CNGA3: variants seen among roughly 807,000 people sequenced by gnomAD.
The protein encoded by CNGA3 is cyclic nucleotide-gated channel alpha-3.
A neutral mutation model predicts 46.6 loss-of-function variants in CNGA3; 42 were observed. The observed-to-expected ratio is 0.90, with a 90% confidence interval of 0.70 to 1.17. CNGA3 has a LOEUF of 1.17. CNGA3 is among the 50% of genes most tolerant of loss of function. The pLI is 0.00. For missense variants in CNGA3, 893 were observed against 890.7 expected, an observed-to-expected ratio of 1.00 and a Z score of -0.03; for synonymous variants, 394 against 369.4, an observed-to-expected ratio of 1.07 and a Z score of -0.76.
At chr2:98,383,541 A>G in intron 5 of CNGA3, 100 bp downstream of exon 5, 2 of 1,067,274 alleles carry the variant, frequency 1.9e-6, no homozygotes, top group Non-Finnish European at 2.9e-6. Flanking sequence ...CCTGCTCCCC[A>G]CTCCCAGAGC....
intron 2 of CNGA3, among the ~76,000 whole-genome samples, chr2:98,370,794 A>C (rs982762828): frequency 6.6e-6 from 1 of 152,200 alleles, no homozygotes; most frequent in Non-Finnish European, 1.5e-5. Context: ...TATTTACTGT[A>C]CATAGAGCTA....
At chr2:98,347,886 C>A (rs1214094373) in intron 1 of CNGA3, among the ~76,000 whole-genome samples, 1 of 152,226 alleles carries the variant, frequency 6.6e-6, no homozygotes, top group Non-Finnish European at 1.5e-5. Flanking sequence ...TCATGAAAAC[C>A]AGCAAGAATA....
intron 4 of CNGA3, among the ~76,000 whole-genome samples, chr2:98,382,161 C>T (rs1218955089): frequency 6.6e-6 from 1 of 152,128 alleles, no homozygotes; most frequent in South Asian, 2.1e-4. Context: ...TGCGATGGTG[C>T]GGATAGTGTT....
intron 4 of CNGA3, among the ~76,000 whole-genome samples, chr2:98,383,000 G>A (rs1289570201): frequency 6.6e-6 from 1 of 152,218 alleles, no homozygotes; most frequent in Non-Finnish European, 1.5e-5. Flanking sequence ...CAGAGGCATG[G>A]AAGCACTGAG....
intron 5 of CNGA3, among the ~76,000 whole-genome samples, chr2:98,387,202 C>T (rs975343917): frequency 1.5e-4 from 23 of 152,330 alleles, no homozygotes; most frequent in African/African-American, 5.5e-4. Flanking sequence ...GAGGATGAGC[C>T]TGCATGGTCG....
chr2:98,383,717 T>C (rs1692586614), intron 5 of CNGA3, among the ~76,000 whole-genome samples: 1 of 152,194 alleles, frequency 6.6e-6, no homozygotes. Flanking sequence ...AGATAAATGC[T>C]TTAAGCTTTA....
intron 2 of CNGA3, among the ~76,000 whole-genome samples, chr2:98,370,923 C>T (rs1692271268): frequency 6.6e-6 from 1 of 152,146 alleles, no homozygotes; most frequent in East Asian, 1.9e-4. Flanking sequence ...TCACTGGGTT[C>T]AAGTGATTCT....
rs567744810 is a variant in CNGA3, at chr2:98,386,098, T to C, written c.449+2657T>C. On this transcript the variant is annotated intron_variant, in intron 5 of 7. Coordinates refer to ENST00000272602, the MANE Select transcript of CNGA3 (RefSeq NM_001298.3). ...GGAGTGAAGACTGAATGTGTTACTC[T>C]GTGAAAAGTGCTCAGAACAGTGCCT... 8.5e-5 allele frequency among the ~76,000 whole-genome samples: 13 copies of C among 152,320 alleles called. 1 individual carries two copies. In the South Asian group the frequency reaches 1.2e-3, roughly 15 times the overall value.
chr2:98,397,096 C>A lies in CNGA3; in HGVS notation c.1926C>A (p.Thr642=), dbSNP rs1289792398. ...GGTCCTCCCTGGACACCCTGCAGACCAGGTTTGCACGCCTCCTGGCTGAGT... is the reference window on the plus strand; with the variant it reads ...GGTCCTCCCTGGACACCCTGCAGACAAGGTTTGCACGCCTCCTGGCTGAGT... ...QLGSSLDTLQ[T]RFARLLAEYN... Residue 642 remains threonine, a synonymous_variant, in exon 8 of 8, where the codon ACC becomes ACA. Coordinates refer to ENST00000272602, the MANE Select transcript of CNGA3 (RefSeq NM_001298.3). 1.2e-6 allele frequency: 2 copies of A among 1,614,146 alleles called. No individual in the cohort carries two copies. The highest frequency in any genetic ancestry group is 3.3e-5 in the Admixed American group (2 of 60,024).
chr2:98,389,655 C>T lies in CNGA3; in HGVS notation c.450-3C>T, dbSNP rs1167239108. The T allele has an allele frequency of 1.2e-6, 2 of 1,613,556 alleles. No individual in the cohort carries two copies. Among genetic ancestry groups the T allele is most frequent in the Non-Finnish European group, 1.7e-6 (2 of 1,179,724 alleles). ...CGCTGTTTGTGTATGTGTGGGTTTC[C>T]AGGAAGAAGACGAAAAAGAAGGATG... On this transcript the variant is annotated splice_polypyrimidine_tract_variant and splice_region_variant and intron_variant, in intron 5 of 7. Coordinates refer to ENST00000272602, the MANE Select transcript of CNGA3 (RefSeq NM_001298.3).
chr2:98,371,726 A>G (rs953768096), intron 2 of CNGA3, among the ~76,000 whole-genome samples: 8 of 152,196 alleles, frequency 5.3e-5, no homozygotes, highest in Non-Finnish European at 2.9e-5. Context: ...ATTGCTCCTT[A>G]TTTAAAAGAA....
intron 1 of CNGA3, among the ~76,000 whole-genome samples, chr2:98,363,196 A>G (rs769672820): frequency 1.2e-4 from 18 of 152,152 alleles, no homozygotes; most frequent in Non-Finnish European, 1.8e-4. Flanking sequence ...AAGAATGTCA[A>G]TGGTAGTTTA....
rs1692453665 is a variant in CNGA3 at position 98,378,170 on chromosome 2, T to C, written c.215+370T>C. The C allele has an allele frequency of 2.6e-6, 4 of 1,550,400 alleles. No individual in the cohort carries two copies. In the South Asian group the frequency reaches 3.6e-5, roughly 14 times the overall value. On this transcript the variant is annotated intron_variant, in intron 3 of 7. Transcript: ENST00000272602. ...GTGTGCTGAGGATGGTGGTGATGAGTCTGAAATGGCTCTGGCAGGGTCTCC... is the reference window on the plus strand; with the variant it reads ...GTGTGCTGAGGATGGTGGTGATGAGCCTGAAATGGCTCTGGCAGGGTCTCC...
chr2:98,352,511 G>C (rs754380027), intron 1 of CNGA3, among the ~76,000 whole-genome samples: 1 of 152,166 alleles, frequency 6.6e-6, no homozygotes, highest in African/African-American at 2.4e-5. Context: ...AATGAATGAG[G>C]CTTCCAGTTT....
intron 5 of CNGA3, among the ~76,000 whole-genome samples, chr2:98,384,120 ACCTCGTGATCCACCCG>A (rs1212199299): frequency 3.3e-5 from 5 of 152,018 alleles, no homozygotes; most frequent in Non-Finnish European, 7.4e-5. Context: ...CGACCTCCTG[ACCTCGTGATCCACCCG>A]CCTCGGCCTC....
chr2:98,373,055 GC>G (rs1466830335), intron 2 of CNGA3, among the ~76,000 whole-genome samples: 1 of 152,264 alleles, frequency 6.6e-6, no homozygotes, highest in Admixed American at 6.5e-5. Context: ...GGCTTTAACA[GC>G]CAGAAATTTT....
chr2:98,397,466 G>A lies in CNGA3; in HGVS notation c.*211G>A, dbSNP rs1039368087. ...GTGAAGTGCCAGGTTTGATTGTGAA[G>A]TCCGCATGAAACACTGCACCAGGCA... On this transcript the variant is annotated 3_prime_UTR_variant, in exon 8 of 8. Coordinates refer to ENST00000272602, the MANE Select transcript of CNGA3 (RefSeq NM_001298.3). 1.1e-5 allele frequency: 7 copies of A among 619,290 alleles called. No homozygotes were observed. The highest frequency in any genetic ancestry group is 2.0e-5 in the Non-Finnish European group (7 of 349,616). The allele number at this position is 619,290 out of a possible 1,614,324, so 38.4% of individuals were successfully genotyped here. A position where few individuals can be genotyped will look rare whatever the true frequency, so the allele number is the denominator to read the frequency against.
intron 2 of CNGA3, 129 bp from the exon 3 acceptor site, chr2:98,377,558 C>G: frequency 1.2e-6 from 1 of 862,212 alleles, no homozygotes; most frequent in Non-Finnish European, 1.9e-6. Context: ...GTGGGGAGCC[C>G]CTGGGATGAG....
intron 1 of CNGA3, among the ~76,000 whole-genome samples, chr2:98,354,732 C>T (rs375647816): frequency 1.4e-4 from 22 of 152,130 alleles, no homozygotes; most frequent in East Asian, 1.9e-4. Context: ...CTGCAGTGAG[C>T]GGTAATCAAA....
Sources: gnomAD v4.1 joint callset for allele counts (sites outside exome capture counted in the v4.1 genomes callset) on GRCh38, gnomAD v4.1.1 for gene constraint, MANE v1.5 for transcripts, NCBI Gene and HGNC (gene_info 2026-07-23, HGNC 2026-07-21) for gene names.